Variants in RSU1 observed in about 807,000 individuals in gnomAD.
The protein encoded by RSU1 is Ras suppressor protein 1.
A neutral mutation model predicts 31.1 loss-of-function variants in RSU1; 26 were observed. The observed-to-expected ratio is 0.84, with a 90% confidence interval of 0.61 to 1.16. The LOEUF (loss-of-function observed/expected upper bound fraction) is 1.16, where lower values mean the gene tolerates loss of function less well. Among genes scored for constraint, RSU1 ranks in the 50% most tolerant of loss-of-function variants. RSU1 has a pLI of 0.00. For synonymous variants in RSU1, 164 were observed against 136.3 expected, an observed-to-expected ratio of 1.20 and a Z score of -1.41; for missense variants, 320 against 339.1, an observed-to-expected ratio of 0.94 and a Z score of 0.44.
chr10:16,791,408 C>A (rs966877545), intron 2 of RSU1, among the ~76,000 whole-genome samples: 20 of 152,212 alleles, frequency 1.3e-4, no homozygotes, highest in African/African-American at 4.8e-4. Flanking sequence ...CCGAGGTGGG[C>A]AGACTGCCTG....
At chr10:16,791,394 G>T (rs1378428384) in intron 2 of RSU1, among the ~76,000 whole-genome samples, 2 of 152,124 alleles carry the variant, frequency 1.3e-5, no homozygotes, top group Admixed American at 6.5e-5. Flanking sequence ...AGCACTTTCG[G>T]AGGCCGAGGT....
chr10:16,650,598 GAGAC>G (rs759810946), intron 8 of RSU1, among the ~76,000 whole-genome samples: 48 of 73,312 alleles, frequency 6.5e-4, no homozygotes, highest in Non-Finnish European at 1.0e-3. Context: ...TTTTTTTTGT[GAGAC>G]AGAATCTCCC....
intron 8 of RSU1, among the ~76,000 whole-genome samples, chr10:16,638,958 T>A (rs1045273475): frequency 2.6e-5 from 4 of 152,240 alleles, no homozygotes; most frequent in Non-Finnish European, 5.9e-5. Context: ...AGACTTGGCA[T>A]CAACAGAAAT....
chr10:16,665,618 T>C (rs570291626), intron 8 of RSU1, among the ~76,000 whole-genome samples: 11 of 152,346 alleles, frequency 7.2e-5, no homozygotes, highest in Middle Eastern at 3.4e-3. Flanking sequence ...ATTAATGATA[T>C]ATAATAACTT....
At chr10:16,727,562 A>T (rs897018930) in intron 7 of RSU1, among the ~76,000 whole-genome samples, 2 of 152,166 alleles carry the variant, frequency 1.3e-5, no homozygotes, top group African/African-American at 4.8e-5. Flanking sequence ...CAAAATGTCC[A>T]ACTCGGGCCA....
chr10:16,699,596 C>A (rs973284457), intron 7 of RSU1, among the ~76,000 whole-genome samples: 1 of 152,238 alleles, frequency 6.6e-6, no homozygotes, highest in Admixed American at 6.5e-5. Flanking sequence ...AGCCCTCACC[C>A]ATCCCCTTTA....
chr10:16,733,012 A>G (rs1160302458), intron 7 of RSU1, among the ~76,000 whole-genome samples: 1 of 152,174 alleles, frequency 6.6e-6, no homozygotes, highest in African/African-American at 2.4e-5. Flanking sequence ...ATGGGAAAAA[A>G]GTAACTCCAG....
At chr10:16,772,963 T>C (rs1424466206) in intron 3 of RSU1, among the ~76,000 whole-genome samples, 1 of 152,050 alleles carries the variant, frequency 6.6e-6, no homozygotes, top group East Asian at 1.9e-4. Context: ...TCCCAGCACT[T>C]TGAGAGGCCG....
At chr10:16,661,287 C>CGTGTGTGTGTGTGTGT (rs56675037) in intron 8 of RSU1, among the ~76,000 whole-genome samples, 24 of 132,918 alleles carry the variant, frequency 1.8e-4, no homozygotes, top group Admixed American at 7.6e-4. Flanking sequence ...GTAGAGAGTG[C>CGTGTGTGTGTGTGTGT]GTGTGTGTGT....
intron 7 of RSU1, among the ~76,000 whole-genome samples, chr10:16,698,668 C>T (rs563264083): frequency 1.3e-5 from 2 of 152,250 alleles, no homozygotes; most frequent in Admixed American, 6.5e-5. Flanking sequence ...ACGGCAGAGG[C>T]ATCACAGATT....
intron 8 of RSU1, among the ~76,000 whole-genome samples, chr10:16,690,361 T>A (rs1207494571): frequency 1.3e-5 from 2 of 152,082 alleles, no homozygotes; most frequent in African/African-American, 2.4e-5. Context: ...GGCAACTCAG[T>A]GACATCAGCC....
chr10:16,790,320 C>T (rs1424818602), intron 2 of RSU1, among the ~76,000 whole-genome samples: 1 of 152,148 alleles, frequency 6.6e-6, no homozygotes, highest in African/African-American at 2.4e-5. Flanking sequence ...TTGGATTATA[C>T]CAGCTGTCCC....
intron 8 of RSU1, among the ~76,000 whole-genome samples, chr10:16,634,730 AC>A (rs960632838): frequency 1.1e-4 from 16 of 152,292 alleles, no homozygotes; most frequent in African/African-American, 3.4e-4. Context: ...TCTGGAAGGG[AC>A]CTTACAGGTC....
At chr10:16,643,595 G>T (rs765865976) in intron 8 of RSU1, among the ~76,000 whole-genome samples, 2 of 152,072 alleles carry the variant, frequency 1.3e-5, no homozygotes, top group African/African-American at 2.4e-5. Flanking sequence ...AACATAAAGT[G>T]AGCAGTATGC....
At chr10:16,760,109 T>C (rs1207521615) in intron 4 of RSU1, among the ~76,000 whole-genome samples, 4 of 152,212 alleles carry the variant, frequency 2.6e-5, no homozygotes, top group Non-Finnish European at 5.9e-5. Flanking sequence ...TATGTAGCTA[T>C]GTAATTAAAT....
At chr10:16,672,309 C>CA (rs200074994) in intron 8 of RSU1, among the ~76,000 whole-genome samples, 3,680 of 150,408 alleles carry the variant, frequency 0.024, 63 homozygotes, top group Middle Eastern at 0.059. Context: ...GACTCTGTCT[C>CA]AAAAAAAAAG....
chr10:16,649,947 C>A (rs925773973), intron 8 of RSU1, among the ~76,000 whole-genome samples: 3 of 152,166 alleles, frequency 2.0e-5, no homozygotes, highest in Non-Finnish European at 4.4e-5. Context: ...ACACATCTTG[C>A]CATCTAAAAC....
At chr10:16,788,212 A>T (rs561369387) in intron 2 of RSU1, among the ~76,000 whole-genome samples, 7 of 152,350 alleles carry the variant, frequency 4.6e-5, no homozygotes, top group African/African-American at 1.7e-4. Context: ...GGAGTTACAC[A>T]AAACAGGAGT....
In RSU1 at chr10:16,593,094, T is replaced by TTGTGA. The variant is rs1833538646; in HGVS notation, c.*295_*299dup. The TTGTGA allele has an allele frequency of 3.8e-6, 1 of 262,066 alleles. No individual in the cohort carries two copies. The highest frequency in any genetic ancestry group is 5.0e-5 in the Admixed American group (1 of 20,184). The allele number at this position is 262,066 out of a possible 1,614,324, so 16.2% of individuals were successfully genotyped here. On this transcript the variant is annotated 3_prime_UTR_variant, in exon 9 of 9. Coordinates refer to ENST00000345264, the MANE Select transcript of RSU1 (RefSeq NM_012425.4). Reference sequence around the variant, plus strand: ...ATTATTCTTTTGATAATAAGCAACCTTGTGATATCTATTCAAGAAAAGCCA... The same window carrying TTGTGA: ...ATTATTCTTTTGATAATAAGCAACCTTGTGATGTGATATCTATTCAAGAAAAGCCA...
Sources: allele counts gnomAD v4.1 joint callset (sites outside exome capture counted in the v4.1 genomes callset), GRCh38; gene constraint gnomAD v4.1.1; transcripts MANE v1.5; gene names NCBI Gene and HGNC (gene_info 2026-07-23, HGNC 2026-07-21).